GHR: variants seen among roughly 807,000 people sequenced by gnomAD.
GHR encodes the protein growth hormone receptor.
GHR carries 35 observed loss-of-function variants against 67.1 expected under a neutral mutation model. That is an observed-to-expected ratio of 0.52 (90% CI 0.40 to 0.69). The LOEUF (loss-of-function observed/expected upper bound fraction) is 0.69, where lower values mean the gene tolerates loss of function less well. GHR is among the 30% of genes least tolerant of loss of function. The pLI is 0.00. For missense variants in GHR, 792 were observed against 764.6 expected (o/e 1.04, Z -0.42); for synonymous variants, 272 against 269.1 (o/e 1.01, Z -0.10).
At chr5:42,449,318 T>C (rs888335297) in intron 1 of GHR, among the ~76,000 whole-genome samples, 1 of 152,196 alleles carries the variant, frequency 6.6e-6, no homozygotes, top group African/African-American at 2.4e-5. Context: ...TTCAGCAATA[T>C]TTTGTAGTTT....
At chr5:42,554,276 G>A (rs920135291) in intron 1 of GHR, among the ~76,000 whole-genome samples, 1 of 152,012 alleles carries the variant, frequency 6.6e-6, no homozygotes, top group African/African-American at 2.4e-5. Flanking sequence ...AAGAAGTTGA[G>A]GCTGAGGATG....
At chr5:42,578,505 A>C (rs1028172219) in intron 2 of GHR, among the ~76,000 whole-genome samples, 2 of 152,222 alleles carry the variant, frequency 1.3e-5, no homozygotes, top group Admixed American at 6.5e-5. Context: ...AGATCATGTC[A>C]GATGTGCCTT....
At chr5:42,547,979 A>C (rs772112699) in intron 1 of GHR, 4 of 481,170 alleles carry the variant, frequency 8.3e-6, no homozygotes, top group Non-Finnish European at 1.1e-5. Flanking sequence ...GACCAGATTC[A>C]GATACCCTAT....
chr5:42,481,870 T>A (rs955988756), intron 1 of GHR, among the ~76,000 whole-genome samples: 3 of 152,138 alleles, frequency 2.0e-5, no homozygotes, highest in African/African-American at 7.2e-5. Context: ...TCTGAAGCCT[T>A]CTTCTCTCAA....
intron 1 of GHR, among the ~76,000 whole-genome samples, chr5:42,543,331 T>C (rs762815495): frequency 1.3e-5 from 2 of 152,124 alleles, no homozygotes; most frequent in Non-Finnish European, 2.9e-5. Flanking sequence ...GTTTTTGTCT[T>C]TTTATAATGG....
At chr5:42,425,750 C>G (rs143734398) in intron 1 of GHR, among the ~76,000 whole-genome samples, 168 of 152,308 alleles carry the variant, frequency 1.1e-3, no homozygotes, top group Admixed American at 3.1e-3. Flanking sequence ...CTCTCATCAT[C>G]TTCTTCCACC....
intron 2 of GHR, chr5:42,619,849 C>G (rs1006998624): frequency 1.3e-5 from 2 of 152,144 alleles, no homozygotes; most frequent in African/African-American, 2.4e-5. Flanking sequence ...ACACCTCTGA[C>G]ATGCTGAATT....
chr5:42,595,822 C>G (rs1752037719), intron 2 of GHR, among the ~76,000 whole-genome samples: 1 of 152,170 alleles, frequency 6.6e-6, no homozygotes, highest in Non-Finnish European at 1.5e-5. Flanking sequence ...AAAGATGCAG[C>G]TGTGGAGTGA....
rs532777871 is a variant in GHR, at chr5:42,523,039, C to A, written c.-11-42825C>A. 5.3e-5 allele frequency among the ~76,000 whole-genome samples: 8 copies of A among 152,224 alleles called. No homozygotes were observed. The South Asian group carries it at 1.7e-3, about 32-fold the overall frequency. ...CAGGAAGCCCAATGAGGACGTGTGG[C>A]AATAGTTCCTAAAATGAGCAAAGAG... On this transcript the variant is annotated intron_variant, in intron 1 of 9. Transcript: ENST00000230882.
chr5:42,528,360 T>G (rs1747803969), intron 1 of GHR, among the ~76,000 whole-genome samples: 1 of 152,178 alleles, frequency 6.6e-6, no homozygotes, highest in Non-Finnish European at 1.5e-5. Flanking sequence ...ATTCCAATTC[T>G]CATAGATTAC....
chr5:42,436,551 T>A (rs1743337243), intron 1 of GHR, among the ~76,000 whole-genome samples: 1 of 152,212 alleles, frequency 6.6e-6, no homozygotes, highest in Non-Finnish European at 1.5e-5. Context: ...ACAATGCTCT[T>A]CAGAAAGTCC....
intron 2 of GHR, among the ~76,000 whole-genome samples, chr5:42,570,096 A>T (rs1231165529): frequency 3.3e-5 from 5 of 152,138 alleles, no homozygotes; most frequent in Non-Finnish European, 7.3e-5. Context: ...CTCTGAGAGG[A>T]TGTCAAGACA....
chr5:42,530,253 A>C (rs936813240), intron 1 of GHR, among the ~76,000 whole-genome samples: 4 of 152,102 alleles, frequency 2.6e-5, no homozygotes, highest in Admixed American at 2.6e-4. Flanking sequence ...CTACAACATA[A>C]TTCAATTAAA....
chr5:42,639,530 G>A (rs943444017), intron 3 of GHR, among the ~76,000 whole-genome samples: 5 of 151,894 alleles, frequency 3.3e-5, no homozygotes, highest in East Asian at 1.9e-4. Flanking sequence ...TTAAAACCCC[G>A]AATTTGAATT....
rs1742770774 is a variant in GHR at position 42,424,700 on chromosome 5, C to T, written c.-12+745C>T. On this transcript the variant is annotated intron_variant, in intron 1 of 9. Coordinates refer to ENST00000230882, the MANE Select transcript of GHR (RefSeq NM_000163.5). The surrounding 1 kb of genome is among the most constrained non-coding windows in gnomAD (Gnocchi z 4.1). ...GTTTTGACAGAACTGCCAGAGGCTG[C>T]GGGTCAATGGGGTGGCCGCGTGTCT... 6 of 1,170,668 alleles carry T rather than the reference C, an allele frequency of 5.1e-6. No individual in the cohort carries two copies. Among genetic ancestry groups the T allele is most frequent in the Admixed American group, 2.0e-5 (1 of 50,554 alleles). The allele number at this position is 1,170,668 out of a possible 1,614,324, so 72.5% of individuals were successfully genotyped here.
At chr5:42,558,253 C>T (rs1441552141) in intron 1 of GHR, among the ~76,000 whole-genome samples, 4 of 152,180 alleles carry the variant, frequency 2.6e-5, no homozygotes, top group Non-Finnish European at 4.4e-5. Context: ...ATTTTTTGTC[C>T]CCATCATTCT....
intron 2 of GHR, among the ~76,000 whole-genome samples, chr5:42,584,160 T>G (rs1751349801): frequency 6.6e-6 from 1 of 152,138 alleles, no homozygotes; most frequent in African/African-American, 2.4e-5. Context: ...TTAATGTGCT[T>G]CTTTGGTGTT....
chr5:42,551,164 G>A (rs1396819881), intron 1 of GHR, among the ~76,000 whole-genome samples: 3 of 152,216 alleles, frequency 2.0e-5, no homozygotes, highest in Admixed American at 2.0e-4. Context: ...ATTATAAGTT[G>A]ATGCAGTAGG....
At chr5:42,550,179 A>T in intron 1 of GHR, 5 of 570,100 alleles carry the variant, frequency 8.8e-6, no homozygotes, top group Non-Finnish European at 1.1e-5. Flanking sequence ...GAAGACAACA[A>T]GGAATACTGA....
Sources: gnomAD v4.1 joint callset for allele counts (sites outside exome capture counted in the v4.1 genomes callset) on GRCh38, gnomAD v4.1.1 for gene constraint, Gnocchi (gnomAD v3.1) non-coding constraint, MANE v1.5 for transcripts, NCBI Gene and HGNC (gene_info 2026-07-23, HGNC 2026-07-21) for gene names.